The following LARGE1 variants were observed in gnomAD, a reference collection of about 807,000 sequenced individuals.
The protein encoded by LARGE1 is LARGE xylosyl- and glucuronyltransferase 1.
Under a neutral mutation model 87.6 loss-of-function variants are expected in LARGE1, and 43 were observed. The ratio of observed to expected loss-of-function variants is 0.49; its 90% CI spans 0.38 to 0.63. The LOEUF is 0.63. Ranked by LOEUF, LARGE1 falls within the 30% of genes least tolerant of loss-of-function variation. The pLI, the probability that LARGE1 is intolerant of heterozygous loss-of-function variation, is 0.00. For synonymous variants in LARGE1, 434 were observed against 394.6 expected (o/e 1.10, Z -1.18); for missense variants, 802 against 1,000.2 (o/e 0.80, Z 2.67).
chr22:33,397,881 T>G (rs1379508727), intron 7 of LARGE1, among the ~76,000 whole-genome samples: 1 of 152,252 alleles, frequency 6.6e-6, no homozygotes, highest in Non-Finnish European at 1.5e-5. Context: ...GATTTTAATT[T>G]GCATTTTTTA....
the LARGE1 span, among the ~76,000 whole-genome samples, chr22:33,149,523 A>T: frequency 2.0e-5 from 3 of 152,254 alleles, no homozygotes; most frequent in African/African-American, 7.2e-5. Flanking sequence ...TTACATTTAG[A>T]TGTGTGTTTG....
intron 11 of LARGE1, among the ~76,000 whole-genome samples, chr22:33,264,886 A>ATTTTTTT (rs1383939586): frequency 2.0e-5 from 2 of 98,668 alleles, no homozygotes; most frequent in African/African-American, 7.1e-5. Flanking sequence ...ATCTGATCAA[A>ATTTTTTT]TTCTTTTTTT....
intron 1 of LARGE1, among the ~76,000 whole-genome samples, chr22:33,806,518 C>T (rs2086314238): frequency 6.6e-6 from 1 of 152,192 alleles, no homozygotes; most frequent in African/African-American, 2.4e-5. Context: ...TTTCTGAGAA[C>T]ATGGCTGTAT....
At chr22:33,473,208 GC>G (rs1316278634) in intron 6 of LARGE1, among the ~76,000 whole-genome samples, 3 of 147,606 alleles carry the variant, frequency 2.0e-5, no homozygotes, top group Non-Finnish European at 4.5e-5. Flanking sequence ...CACTCTTATT[GC>G]CCAGGCTGGA....
chr22:33,729,557 ACT>A (rs1168189449), intron 2 of LARGE1, among the ~76,000 whole-genome samples: 2 of 152,190 alleles, frequency 1.3e-5, no homozygotes, highest in Non-Finnish European at 2.9e-5. Flanking sequence ...CCATCCAATG[ACT>A]CTGGTCTGCT....
chr22:33,439,013 C>A lies in LARGE1; in HGVS notation c.788-6748G>T, dbSNP rs571244315. The stretch of plus-strand genomic sequence containing the variant: ...ATCACTTGAAGTCAGGAGTTCAAGA[C>A]CAGCCTGGCCAACATAGTGAAACCC... On this transcript the variant is annotated intron_variant, in intron 6 of 14. Coordinates refer to ENST00000397394, the MANE Select transcript of LARGE1 (RefSeq NM_133642.5). 2.0e-5 allele frequency among the ~76,000 whole-genome samples: 3 copies of A among 152,006 alleles called. No homozygotes were observed. The South Asian group carries it at 6.2e-4, about 32-fold the overall frequency.
At chr22:33,165,541 G>A (rs989212753) in exon 12 of LARGE1, 1 of 152,096 alleles carries the variant, frequency 6.6e-6, no homozygotes, top group African/African-American at 2.4e-5. Flanking sequence ...ATCATCTAGG[G>A]ACCTTTACTA....
chr22:33,133,237 T>G, the LARGE1 span, among the ~76,000 whole-genome samples: 1 of 152,230 alleles, frequency 6.6e-6, no homozygotes, highest in South Asian at 2.1e-4. Context: ...ACGTGCAGTT[T>G]TGTTGCATAG....
chr22:33,079,181 C>T, the LARGE1 span, among the ~76,000 whole-genome samples: 7 of 146,938 alleles, frequency 4.8e-5, no homozygotes, highest in East Asian at 1.0e-3. Flanking sequence ...TTAGAGGCAG[C>T]GGTGCCTGAC....
chr22:33,569,384 AG>A (rs1343659443), intron 5 of LARGE1, among the ~76,000 whole-genome samples: 6 of 152,254 alleles, frequency 3.9e-5, no homozygotes, highest in African/African-American at 4.8e-5. Context: ...GGAAGACTAC[AG>A]GAATAAATTA....
intron 1 of LARGE1, among the ~76,000 whole-genome samples, chr22:33,809,966 G>T (rs1000980385): frequency 6.6e-6 from 1 of 151,974 alleles, no homozygotes; most frequent in African/African-American, 2.4e-5. Flanking sequence ...TTCCTCAGTG[G>T]TACTAGCCAC....
chr22:33,630,930 G>C (rs1481855176), intron 3 of LARGE1, among the ~76,000 whole-genome samples: 1 of 150,986 alleles, frequency 6.6e-6, no homozygotes, highest in African/African-American at 2.4e-5. Flanking sequence ...TCGGCTTACT[G>C]CAACTTCTGC....
chr22:33,829,014 T>C (rs904489043), intron 1 of LARGE1, among the ~76,000 whole-genome samples: 17 of 142,020 alleles, frequency 1.2e-4, no homozygotes, highest in Non-Finnish European at 1.1e-4. Context: ...TTCTTTTTTT[T>C]TTTTTTTTTT....
chr22:33,513,323 G>C (rs919486977), intron 6 of LARGE1, among the ~76,000 whole-genome samples: 1 of 152,182 alleles, frequency 6.6e-6, no homozygotes, highest in Non-Finnish European at 1.5e-5. Context: ...CTAATTTCAA[G>C]GTAATAAGAA....
At chr22:33,561,016 G>T (rs1024273304) in intron 6 of LARGE1, among the ~76,000 whole-genome samples, 2 of 152,088 alleles carry the variant, frequency 1.3e-5, no homozygotes, top group Admixed American at 6.5e-5. Context: ...GGGTTTCACC[G>T]TGTTAGCCAG....
chr22:33,216,286 G>A (rs1393395245), intron 11 of LARGE1, among the ~76,000 whole-genome samples: 1 of 152,170 alleles, frequency 6.6e-6, no homozygotes, highest in Admixed American at 6.5e-5. Flanking sequence ...CAACAGTGTT[G>A]GGAGGTGGGA....
chr22:33,868,147 C>T (rs1181696398), intron 1 of LARGE1, among the ~76,000 whole-genome samples: 2 of 152,168 alleles, frequency 1.3e-5, no homozygotes, highest in African/African-American at 4.8e-5. Context: ...CATAAGACTT[C>T]GTTCCAAATG....
chr22:33,394,160 A>G (rs982598578), intron 7 of LARGE1, among the ~76,000 whole-genome samples: 1 of 150,108 alleles, frequency 6.7e-6, no homozygotes, highest in African/African-American at 2.4e-5. Context: ...ACTGCAGTAT[A>G]CTAGAGAGAA....
At chr22:33,840,785 T>A (rs909798629) in intron 1 of LARGE1, among the ~76,000 whole-genome samples, 5 of 151,994 alleles carry the variant, frequency 3.3e-5, no homozygotes, top group Admixed American at 2.0e-4. Context: ...ACCATGACCA[T>A]CTAATTTTTC....
Sources: gnomAD v4.1 joint callset for allele counts (sites outside exome capture counted in the v4.1 genomes callset) on GRCh38, gnomAD v4.1.1 for gene constraint, MANE v1.5 for transcripts, NCBI Gene and HGNC (gene_info 2026-07-23, HGNC 2026-07-21) for gene names.